AOPEP: variants seen among roughly 807,000 people sequenced by gnomAD.
The protein encoded by AOPEP is aminopeptidase O (putative).
Under a neutral mutation model 98.1 loss-of-function variants are expected in AOPEP, and 77 were observed. That is an observed-to-expected ratio of 0.78 (90% CI 0.65 to 0.95). The LOEUF is 0.95. Among genes scored for constraint, AOPEP ranks in the 40% least tolerant of loss-of-function variants. AOPEP has a pLI of 0.00. For synonymous variants in AOPEP, 346 were observed against 365.3 expected, an observed-to-expected ratio of 0.95 and a Z score of 0.60; for missense variants, 1,024 against 1,024.7, an observed-to-expected ratio of 1.00 and a Z score of 0.01.
chr9:94,748,807 C>T (rs181297427), intron 1 of AOPEP, among the ~76,000 whole-genome samples: 262 of 152,296 alleles, frequency 1.7e-3, no homozygotes, highest in Non-Finnish European at 2.2e-3. Context: ...CATGCTTACA[C>T]TGAAGTTTCA....
At chr9:95,039,093 CAT>C (rs2065073301) in intron 13 of AOPEP, among the ~76,000 whole-genome samples, 1 of 152,152 alleles carries the variant, frequency 6.6e-6, no homozygotes, top group African/African-American at 2.4e-5. Flanking sequence ...AAATGGAACA[CAT>C]GTGAGCATGT....
intron 5 of AOPEP, chr9:94,824,577 A>G (rs1477796253): frequency 6.6e-6 from 1 of 152,202 alleles, no homozygotes; most frequent in East Asian, 1.9e-4. Context: ...GTTAATCTGT[A>G]TATCATGGGA....
intron 5 of AOPEP, among the ~76,000 whole-genome samples, chr9:94,823,850 G>A (rs1444219648): frequency 6.6e-6 from 1 of 152,174 alleles, no homozygotes; most frequent in Admixed American, 6.5e-5. Context: ...GCATTGCCAA[G>A]CTATCACTTT....
chr9:95,111,434 A>C, the AOPEP span: 3 of 1,605,912 alleles, frequency 1.9e-6, no homozygotes, highest in Non-Finnish European at 2.5e-6. Context: ...AGCCCACCCC[A>C]AACACATGCA....
At chr9:95,013,115 C>G (rs943050671) in intron 13 of AOPEP, among the ~76,000 whole-genome samples, 1 of 151,614 alleles carries the variant, frequency 6.6e-6, no homozygotes, top group African/African-American at 2.4e-5. Context: ...GTGACCTTTG[C>G]TTTCCTCTGA....
At chr9:94,994,577 C>T (rs2061103635) in intron 11 of AOPEP, among the ~76,000 whole-genome samples, 1 of 152,190 alleles carries the variant, frequency 6.6e-6, no homozygotes, top group East Asian at 1.9e-4. Context: ...GTTTTAAATG[C>T]ATGTAGCTCT....
At chr9:94,750,413 G>A (rs1395028120) in intron 1 of AOPEP, among the ~76,000 whole-genome samples, 4 of 152,030 alleles carry the variant, frequency 2.6e-5, no homozygotes, top group Non-Finnish European at 1.5e-5. Context: ...GTGAAACCCT[G>A]TCTCTACTAA....
intron 2 of AOPEP, among the ~76,000 whole-genome samples, chr9:94,766,637 G>A (rs1295939258): frequency 6.6e-6 from 1 of 152,182 alleles, no homozygotes; most frequent in Non-Finnish European, 1.5e-5. Flanking sequence ...TGGTTTAGGA[G>A]GTCTGAGCTT....
chr9:94,853,516 A>ACTGT, intron 5 of AOPEP, among the ~76,000 whole-genome samples: 1 of 152,300 alleles, frequency 6.6e-6, no homozygotes. Context: ...CTCACTGTGT[A>ACTGT]CTGTCCTTTT....
chr9:94,839,368 C>T (rs945453198), intron 5 of AOPEP, among the ~76,000 whole-genome samples: 1 of 151,926 alleles, frequency 6.6e-6, no homozygotes, highest in Non-Finnish European at 1.5e-5. Context: ...GGATTATAGG[C>T]GTGAGCCAAC....
At chr9:95,026,781 A>G (rs753445253) in intron 13 of AOPEP, among the ~76,000 whole-genome samples, 4 of 152,224 alleles carry the variant, frequency 2.6e-5, no homozygotes, top group Non-Finnish European at 4.4e-5. Flanking sequence ...ATTGTTTTCC[A>G]AAGTGGCTAT....
At chr9:94,933,090 C>T in intron 7 of AOPEP, 1 of 985,712 alleles carries the variant, frequency 1.0e-6, no homozygotes, top group Non-Finnish European at 1.2e-6. Context: ...GAACTCTTCC[C>T]CAGGCAAAGT....
At chr9:94,962,794 G>A (rs1214871401) in intron 9 of AOPEP, among the ~76,000 whole-genome samples, 5 of 146,812 alleles carry the variant, frequency 3.4e-5, no homozygotes, top group East Asian at 2.0e-4. Context: ...GTGCAGTGGC[G>A]TGATCTCGGC....
At chr9:95,125,901 C>A in the AOPEP span, among the ~76,000 whole-genome samples, 5 of 152,200 alleles carry the variant, frequency 3.3e-5, no homozygotes, top group African/African-American at 1.2e-4. Context: ...AGTCTTAGTA[C>A]TCCATGGTTA....
At chr9:95,058,639 C>T (rs2067043719) in intron 13 of AOPEP, among the ~76,000 whole-genome samples, 1 of 152,104 alleles carries the variant, frequency 6.6e-6, no homozygotes, top group African/African-American at 2.4e-5. Context: ...TAGAGCAGGT[C>T]CCCATCCTGT....
At chr9:94,793,032 C>A in intron 4 of AOPEP, 114 bp downstream of exon 4, 2 of 1,184,398 alleles carry the variant, frequency 1.7e-6, no homozygotes, top group Non-Finnish European at 2.4e-6. Context: ...AGAAACTAAA[C>A]CAAAATAGGA....
At chr9:95,125,671 A>C in the AOPEP span, among the ~76,000 whole-genome samples, 1 of 152,188 alleles carries the variant, frequency 6.6e-6, no homozygotes, top group South Asian at 2.1e-4. Flanking sequence ...CAAAACAAAC[A>C]AAAAAACTCT....
At chr9:94,876,759 C>T (rs2046995755) in intron 5 of AOPEP, among the ~76,000 whole-genome samples, 1 of 152,136 alleles carries the variant, frequency 6.6e-6, no homozygotes, top group African/African-American at 2.4e-5. Flanking sequence ...GTAACAAAAT[C>T]AGGGGAGAGA....
chr9:94,776,915 A>AC (rs1401446452), intron 3 of AOPEP, among the ~76,000 whole-genome samples: 2 of 128,630 alleles, frequency 1.6e-5, no homozygotes, highest in African/African-American at 2.9e-5. Context: ...AAATAGCTTC[A>AC]TTTTTTTTTT....
Sources: gnomAD v4.1 joint callset for allele counts (sites outside exome capture counted in the v4.1 genomes callset) on GRCh38, gnomAD v4.1.1 for gene constraint, MANE v1.5 for transcripts, NCBI Gene and HGNC (gene_info 2026-07-23, HGNC 2026-07-21) for gene names.